The following RPS19 variants were observed in gnomAD, a reference collection of about 807,000 sequenced individuals.
RPS19 encodes small ribosomal subunit protein eS19.
A neutral mutation model predicts 20.3 loss-of-function variants in RPS19; 1 was observed. That is an observed-to-expected ratio of 0.05 (90% CI 0.02 to 0.23). The LOEUF (loss-of-function observed/expected upper bound fraction) is 0.23. RPS19 is among the 10% of genes least tolerant of loss of function. RPS19 has a pLI of 1.00. For synonymous variants in RPS19, 87 were observed against 74.8 expected (o/e 1.16, Z -0.84); for missense variants, 111 against 192.7 (o/e 0.58, Z 2.51).
At chr19:41,868,139 G>T (rs2123281652) in intron 3 of RPS19, among the ~76,000 whole-genome samples, 1 of 152,274 alleles carries the variant, frequency 6.6e-6, no homozygotes, top group East Asian at 1.9e-4. Context: ...CTGATCTCTG[G>T]GTCCCAGGAA....
intron 3 of RPS19, among the ~76,000 whole-genome samples, chr19:41,868,620 GTGTC>G (rs2074112925): frequency 6.6e-6 from 1 of 152,180 alleles, no homozygotes; most frequent in Non-Finnish European, 1.5e-5. Context: ...ACTGCACAGA[GTGTC>G]TGCCCTGCCC....
In RPS19 at chr19:41,872,172, C is replaced by A. The variant is rs1198286923; in HGVS notation, c.*795C>A. On this transcript the variant is annotated 3_prime_UTR_variant, in exon 6 of 6. Transcript: ENST00000598742. ...CACGGCAAGTGGGATGTGGCCTCCG[C>A]CCATGATTGGGCACCTGGTCAGGCT... 3.3e-5 allele frequency: 5 copies of A among 152,276 alleles called. No individual in the cohort carries two copies. Among genetic ancestry groups the A allele is most frequent in the African/African-American group, 1.2e-4 (5 of 41,468 alleles). The allele number at this position is 152,276 out of a possible 1,614,324, so 9.4% of individuals were successfully genotyped here.
At position 41,866,248 on chromosome 19, in the gene RPS19, G is replaced by A. The variant is rs541066180; in HGVS notation, c.173-2783G>A. On this transcript the variant is annotated intron_variant, in intron 3 of 5. Transcript: ENST00000598742. Reference sequence around the variant, plus strand: ...AACCTAGGCAACAGAGAAAGACTCCGTCTCAAAAAAAAAATAAAGCAGGAT... The same window carrying A: ...AACCTAGGCAACAGAGAAAGACTCCATCTCAAAAAAAAAATAAAGCAGGAT... 7.3e-5 allele frequency among the ~76,000 whole-genome samples: 11 copies of A among 151,468 alleles called. No individual in the cohort carries two copies. In the South Asian group the frequency reaches 1.0e-3, roughly 14 times the overall value.
At position 41,869,768 on chromosome 19, in the gene RPS19, T is replaced by G; in HGVS notation, c.411+15T>G. On this transcript the variant is annotated intron_variant, in intron 5 of 5. Coordinates refer to ENST00000598742, the MANE Select transcript of RPS19 (RefSeq NM_001022.4). ...TCGCCGGACAGGTAAGGCCTGCGTT[T>G]GGGGTGGGGCTGGGTCCCTTAGTCG... 6.2e-7 allele frequency: 1 copy of G among 1,613,812 alleles called. No homozygotes were observed. The highest frequency in any genetic ancestry group is 8.5e-7 in the Non-Finnish European group (1 of 1,179,756).
intron 3 of RPS19, among the ~76,000 whole-genome samples, chr19:41,865,138 A>AGGC (rs1302164065): frequency 6.6e-6 from 1 of 152,162 alleles, no homozygotes; most frequent in Non-Finnish European, 1.5e-5. Flanking sequence ...AGGCCAAGGC[A>AGGC]GGCGGATCAC....
At position 41,871,585 on chromosome 19, in the gene RPS19, T is replaced by G. The variant is rs894586430; in HGVS notation, c.*208T>G. On this transcript the variant is annotated 3_prime_UTR_variant, in exon 6 of 6. Coordinates refer to ENST00000598742, the MANE Select transcript of RPS19 (RefSeq NM_001022.4). ...GTGTGAGCCACTGTGCCTGGTCTGG[T>G]TTGGGTCTCTTGATTGTTCTTCAGG... The G allele has an allele frequency of 2.0e-5, 11 of 562,580 alleles. No homozygotes were observed. Among genetic ancestry groups the G allele is most frequent in the Non-Finnish European group, 3.5e-5 (11 of 313,928 alleles). 34.8% of individuals were successfully genotyped at this position (562,580 alleles called of 1,614,324 possible). A position where few individuals can be genotyped will look rare whatever the true frequency, so the allele number is the denominator to read the frequency against.
chr19:41,868,946 T>A (rs2074116275), intron 3 of RPS19, 85 bp from the exon 4 acceptor site: 1 of 1,349,376 alleles, frequency 7.4e-7, no homozygotes, highest in South Asian at 1.2e-5. Flanking sequence ...TATAAAACAG[T>A]GAGAATTAGC....
chr19:41,867,608 G>A (rs547591376), intron 3 of RPS19, among the ~76,000 whole-genome samples: 20 of 152,318 alleles, frequency 1.3e-4, no homozygotes, highest in Non-Finnish European at 2.4e-4. Flanking sequence ...CACTGCGCCC[G>A]GCCTGATCCC....
chr19:41,868,950 A>G (rs2074116338), intron 3 of RPS19, 81 bp from the exon 4 acceptor site: 1 of 1,384,262 alleles, frequency 7.2e-7, no homozygotes, highest in Non-Finnish European at 1.0e-6. Context: ...AAACAGTGAG[A>G]ATTAGCTGTT....
chr19:41,869,227 G>C lies in RPS19; in HGVS notation c.356+13G>C, dbSNP rs781957086. On this transcript the variant is annotated intron_variant, in intron 4 of 5. Coordinates refer to ENST00000598742, the MANE Select transcript of RPS19 (RefSeq NM_001022.4). ...AGGACCAAGATGGGTAAGCAGGGTA[G>C]AGGGGGCTGCATTGATGGAGTAGCC... is the stretch of plus-strand genomic sequence containing the variant. The C allele has an allele frequency of 1.2e-4, 197 of 1,610,458 alleles. No individual in the cohort carries two copies. Among genetic ancestry groups the C allele is most frequent in the Non-Finnish European group, 1.5e-4 (179 of 1,177,752 alleles).
intron 2 of RPS19, 56 bp from the exon 3 acceptor site, chr19:41,861,056 A>G (rs2074025398): frequency 1.5e-6 from 2 of 1,350,472 alleles, no homozygotes; most frequent in Non-Finnish European, 2.1e-6. Context: ...CATTTGGGAT[A>G]TGGGGTAGTT....
intron 3 of RPS19, among the ~76,000 whole-genome samples, chr19:41,866,699 A>T (rs538654654): frequency 6.6e-6 from 1 of 152,156 alleles, no homozygotes; most frequent in South Asian, 2.1e-4. Flanking sequence ...ACAGATGCTC[A>T]CCCTTACTAT....
intron 3 of RPS19, among the ~76,000 whole-genome samples, chr19:41,865,514 G>A (rs1357112197): frequency 6.6e-6 from 1 of 152,094 alleles, no homozygotes; most frequent in Non-Finnish European, 1.5e-5. Context: ...GAGGAGGAAC[G>A]GTGTCAGGAT....
intron 3 of RPS19, chr19:41,861,585 A>G (rs1568789534): frequency 2.8e-6 from 1 of 351,584 alleles, no homozygotes; most frequent in Non-Finnish European, 5.5e-6. Flanking sequence ...CTGCCTGTGC[A>G]CTCTCTCATC....
At chr19:41,868,992 G>T (rs1555841278) in intron 3 of RPS19, 39 bp from the exon 4 acceptor site, 1 of 1,603,610 alleles carries the variant, frequency 6.2e-7, no homozygotes, top group South Asian at 1.1e-5. Flanking sequence ...CTGAGACCTT[G>T]ATCAAGACCC....
chr19:41,867,203 C>T (rs1362669966), intron 3 of RPS19, among the ~76,000 whole-genome samples: 2 of 149,268 alleles, frequency 1.3e-5, no homozygotes, highest in East Asian at 2.0e-4. Context: ...TTCAGGAGGT[C>T]AAAGCTGCAG....
At chr19:41,867,961 G>A (rs2074107014) in intron 3 of RPS19, among the ~76,000 whole-genome samples, 1 of 152,194 alleles carries the variant, frequency 6.6e-6, no homozygotes, top group African/African-American at 2.4e-5. Flanking sequence ...CTCAGGGCAG[G>A]AGTGGGCTGG....
chr19:41,860,901 A>T, intron 2 of RPS19, 56 bp downstream of exon 2: 3 of 1,479,388 alleles, frequency 2.0e-6, no homozygotes, highest in Non-Finnish European at 2.8e-6. Flanking sequence ...TGGCCTGCCC[A>T]TCTGAGCCCC....
intron 3 of RPS19, among the ~76,000 whole-genome samples, chr19:41,868,793 C>G (rs1415562766): frequency 6.6e-6 from 1 of 151,860 alleles, no homozygotes; most frequent in Non-Finnish European, 1.5e-5. Context: ...ATAGTAACCA[C>G]TAAAGAAGTT....
Sources: allele counts gnomAD v4.1 joint callset (sites outside exome capture counted in the v4.1 genomes callset), GRCh38; gene constraint gnomAD v4.1.1; transcripts MANE v1.5; gene names NCBI Gene and HGNC (gene_info 2026-07-23, HGNC 2026-07-21).